The following ZBTB20 variants were observed in gnomAD, a reference collection of about 807,000 sequenced individuals.
The protein encoded by ZBTB20 is zinc finger and BTB domain-containing protein 20.
Under a neutral mutation model 56.9 loss-of-function variants are expected in ZBTB20, and 9 were observed. The ratio of observed to expected loss-of-function variants is 0.16; its 90% CI spans 0.10 to 0.28. The LOEUF (loss-of-function observed/expected upper bound fraction) is 0.28, where lower values mean the gene tolerates loss of function less well. ZBTB20 is among the 10% of genes least tolerant of loss of function. ZBTB20 has a pLI of 1.00. For missense variants in ZBTB20, 655 were observed against 1,003.0 expected (o/e 0.65, Z 4.69); for synonymous variants, 417 against 420.7 (o/e 0.99, Z 0.11).
intron 1 of ZBTB20, among the ~76,000 whole-genome samples, chr3:115,137,698 A>G (rs1261964686): frequency 1.3e-5 from 2 of 152,096 alleles, no homozygotes; most frequent in African/African-American, 4.8e-5. Flanking sequence ...AAACAAAATT[A>G]AGGTATATAA....
At chr3:114,395,248 T>A (rs9824471) in intron 7 of ZBTB20, among the ~76,000 whole-genome samples, 133,126 of 152,146 alleles carry the variant, frequency 0.87, 58,792 homozygotes, top group East Asian at 0.94. Flanking sequence ...CTAAGAAATA[T>A]TTAGCAGAGA....
intron 5 of ZBTB20, among the ~76,000 whole-genome samples, chr3:114,726,911 CAAAAAAAAAA>C (rs35565597): frequency 1.8e-4 from 9 of 49,294 alleles, no homozygotes; most frequent in East Asian, 1.0e-3. Context: ...GACTCCATCA[CAAAAAAAAAA>C]AAAAAAAAAA....
At chr3:114,655,798 C>T (rs1181079199) in intron 6 of ZBTB20, among the ~76,000 whole-genome samples, 1 of 152,076 alleles carries the variant, frequency 6.6e-6, no homozygotes, top group Non-Finnish European at 1.5e-5. Flanking sequence ...TACTTCATAT[C>T]TGCAAGTACT....
intron 6 of ZBTB20, among the ~76,000 whole-genome samples, chr3:114,688,720 C>T (rs1483211333): frequency 1.3e-5 from 2 of 152,142 alleles, no homozygotes; most frequent in Admixed American, 6.5e-5. Context: ...AAGTGCCTTT[C>T]AATAATTAAT....
At chr3:114,972,211 G>T (rs1475181058) in intron 3 of ZBTB20, among the ~76,000 whole-genome samples, 1 of 152,140 alleles carries the variant, frequency 6.6e-6, no homozygotes, top group African/African-American at 2.4e-5. Context: ...GTCATTACAT[G>T]AACAGATCAT....
intron 6 of ZBTB20, among the ~76,000 whole-genome samples, chr3:114,589,529 G>A (rs1387747203): frequency 1.3e-5 from 2 of 152,120 alleles, no homozygotes; most frequent in Non-Finnish European, 2.9e-5. Flanking sequence ...TGATTGATAT[G>A]GCTATTTATA....
chr3:114,753,223 ATATATAATGTATATATGTATACCTG>A (rs1285543164), intron 5 of ZBTB20, among the ~76,000 whole-genome samples: 2 of 149,040 alleles, frequency 1.3e-5, no homozygotes, highest in African/African-American at 2.5e-5. Flanking sequence ...TATTTTTTAT[ATATATAATGTATATATGTATACCTG>A]TATATAATGT....
chr3:114,611,125 A>T (rs1239015983), intron 6 of ZBTB20, among the ~76,000 whole-genome samples: 1 of 152,110 alleles, frequency 6.6e-6, no homozygotes, highest in Non-Finnish European at 1.5e-5. Flanking sequence ...TGAGTCTGGG[A>T]TGGTTTTGAA....
intron 6 of ZBTB20, among the ~76,000 whole-genome samples, chr3:114,685,180 G>A (rs927058322): frequency 2.1e-4 from 32 of 152,098 alleles, no homozygotes; most frequent in Non-Finnish European, 1.5e-4. Context: ...GGAAAAGAAA[G>A]GGCCCCAAAC....
chr3:114,442,873 T>C (rs957590290), intron 7 of ZBTB20, among the ~76,000 whole-genome samples: 3 of 152,184 alleles, frequency 2.0e-5, no homozygotes, highest in Non-Finnish European at 4.4e-5. Context: ...TTTCATCATT[T>C]CCATTTTTTA....
chr3:114,377,969 G>A (rs2083853213), intron 10 of ZBTB20, among the ~76,000 whole-genome samples: 1 of 152,146 alleles, frequency 6.6e-6, no homozygotes, highest in Non-Finnish European at 1.5e-5. Context: ...TGAAGTTAAA[G>A]AGACTAACAA....
intron 4 of ZBTB20, among the ~76,000 whole-genome samples, chr3:114,838,171 T>C (rs774563084): frequency 2.0e-5 from 3 of 152,180 alleles, no homozygotes; most frequent in East Asian, 1.9e-4. Flanking sequence ...TCAAAGGCAG[T>C]GGATAGATGT....
chr3:114,568,109 C>T (rs1204569662), intron 6 of ZBTB20, among the ~76,000 whole-genome samples: 1 of 152,208 alleles, frequency 6.6e-6, no homozygotes, highest in Non-Finnish European at 1.5e-5. Context: ...GGAGAGATAA[C>T]CCTAGCTTTC....
chr3:114,953,179 T>C (rs2077131299), intron 3 of ZBTB20, among the ~76,000 whole-genome samples: 1 of 152,092 alleles, frequency 6.6e-6, no homozygotes, highest in South Asian at 2.1e-4. Flanking sequence ...GATATGTATA[T>C]TGAACAACTT....
chr3:114,498,705 A>G (rs900834935), intron 7 of ZBTB20, among the ~76,000 whole-genome samples: 1 of 152,222 alleles, frequency 6.6e-6, no homozygotes, highest in Non-Finnish European at 1.5e-5. Flanking sequence ...ATGTGTGGTT[A>G]AAAAATAGGA....
At chr3:114,989,938 T>G (rs1330456427) in intron 2 of ZBTB20, among the ~76,000 whole-genome samples, 1 of 152,202 alleles carries the variant, frequency 6.6e-6, no homozygotes, top group Non-Finnish European at 1.5e-5. Flanking sequence ...TTCGTGATTT[T>G]TGCACATTGA....
intron 10 of ZBTB20, among the ~76,000 whole-genome samples, chr3:114,358,380 G>A (rs949717996): frequency 5.9e-5 from 9 of 152,104 alleles, no homozygotes; most frequent in African/African-American, 2.2e-4. Context: ...CCCAAATCTT[G>A]ACTTATCTTC....
intron 2 of ZBTB20, among the ~76,000 whole-genome samples, chr3:114,984,935 C>A (rs891280159): frequency 2.0e-5 from 3 of 152,000 alleles, no homozygotes; most frequent in African/African-American, 7.2e-5. Context: ...TTTGAACACG[C>A]TTTTCTACAA....
At chr3:114,393,897 G>A (rs779481115) in intron 7 of ZBTB20, among the ~76,000 whole-genome samples, 2 of 152,144 alleles carry the variant, frequency 1.3e-5, no homozygotes, top group Non-Finnish European at 2.9e-5. Flanking sequence ...CATTGTTGGC[G>A]TTTCTGCAGA....
Sources: allele counts gnomAD v4.1 joint callset (sites outside exome capture counted in the v4.1 genomes callset), GRCh38; gene constraint gnomAD v4.1.1; transcripts MANE v1.5; gene names NCBI Gene and HGNC (gene_info 2026-07-23, HGNC 2026-07-21).